The following CADM1 variants were observed in gnomAD, a reference collection of about 807,000 sequenced individuals.
The protein encoded by CADM1 is cell adhesion molecule 1, also known as TSLC-1.
In CADM1, 15 loss-of-function variants were observed where a neutral mutation model predicts 53.1. The ratio of observed to expected loss-of-function variants is 0.28; its 90% CI spans 0.19 to 0.44. The LOEUF is 0.44. Ranked by LOEUF, CADM1 falls within the 20% of genes least tolerant of loss-of-function variation. The probability of loss-of-function intolerance (pLI) is 1.00; values close to 1 mark genes in which losing one functional copy is unlikely to be tolerated. For missense variants in CADM1, 434 were observed against 611.3 expected, an observed-to-expected ratio of 0.71 and a Z score of 3.06; for synonymous variants, 281 against 243.0, an observed-to-expected ratio of 1.16 and a Z score of -1.45.
intron 1 of CADM1, among the ~76,000 whole-genome samples, chr11:115,247,285 C>G (rs1297345836): frequency 6.6e-6 from 1 of 152,278 alleles, no homozygotes; most frequent in East Asian, 1.9e-4. Context: ...CAAGGTTCCA[C>G]TTTTCAGTCT....
At chr11:115,495,039 T>C (rs1410394517) in intron 1 of CADM1, among the ~76,000 whole-genome samples, 3 of 152,176 alleles carry the variant, frequency 2.0e-5, no homozygotes, top group Non-Finnish European at 2.9e-5. Flanking sequence ...GCTCACAAGA[T>C]ATGTACGTAC....
intron 1 of CADM1, among the ~76,000 whole-genome samples, chr11:115,323,274 C>T (rs1944871539): frequency 6.6e-6 from 1 of 152,146 alleles, no homozygotes; most frequent in Non-Finnish European, 1.5e-5. Context: ...TTTTAGTCAA[C>T]TATTCGGTAG....
intron 3 of CADM1, among the ~76,000 whole-genome samples, chr11:115,236,625 T>C (rs996210383): frequency 6.6e-6 from 1 of 152,136 alleles, no homozygotes; most frequent in Non-Finnish European, 1.5e-5. Context: ...GGAGCCAAAC[T>C]GATCCAAAGC....
In CADM1 at chr11:115,327,520, G is replaced by GTT. The variant is rs59245845; in HGVS notation, c.125-87102_125-87101dup. Reference sequence around the variant, plus strand: ...ACACTTTTGATTGGAATACATAAGAGTTTTTTTTTTAACTTAATTAAAATG... The same window carrying GTT: ...ACACTTTTGATTGGAATACATAAGAGTTTTTTTTTTTTAACTTAATTAAAATG... On this transcript the variant is annotated intron_variant, in intron 1 of 11. Transcript: ENST00000331581. Among the ~76,000 whole-genome samples the GTT allele has an allele frequency of 2.3e-3, 350 of 150,310 alleles. 5 individuals are homozygous for GTT. Among genetic ancestry groups the GTT allele is most frequent in the South Asian group, 6.3e-4 (3 of 4,740 alleles).
intron 1 of CADM1, among the ~76,000 whole-genome samples, chr11:115,338,283 A>G (rs1347187535): frequency 6.6e-6 from 1 of 152,186 alleles, no homozygotes; most frequent in African/African-American, 2.4e-5. Context: ...TTTTATAGAC[A>G]AGAAAATTAA....
intron 8 of CADM1, among the ~76,000 whole-genome samples, chr11:115,205,549 G>A (rs981385473): frequency 6.6e-6 from 1 of 152,128 alleles, no homozygotes; most frequent in Non-Finnish European, 1.5e-5. Flanking sequence ...ACTCTTACCC[G>A]GGGTAATGGC....
At chr11:115,481,446 C>T (rs550396357) in intron 1 of CADM1, among the ~76,000 whole-genome samples, 3 of 152,286 alleles carry the variant, frequency 2.0e-5, no homozygotes, top group Non-Finnish European at 2.9e-5. Flanking sequence ...TCTTCTTCTG[C>T]CTACCTTTAA....
intron 1 of CADM1, among the ~76,000 whole-genome samples, chr11:115,473,415 C>T (rs1357341240): frequency 4.6e-5 from 7 of 152,040 alleles, no homozygotes; most frequent in South Asian, 2.1e-4. Context: ...GCCATTATGC[C>T]GCCACTGCAC....
Position 115,429,393 on chromosome 11 carries a change from T to G in CADM1, c.124+74878A>C, listed in dbSNP as rs539772938. 2.3e-3 allele frequency among the ~76,000 whole-genome samples: 346 copies of G among 152,116 alleles called. 2 individuals are homozygous for G. The highest frequency in any genetic ancestry group is 5.2e-3 in the South Asian group (25 of 4,824). On this transcript the variant is annotated intron_variant, in intron 1 of 11. Coordinates refer to ENST00000331581, the MANE Select transcript of CADM1 (RefSeq NM_001301043.2). ...CAGGCTGAGGCGGGTGGGGATCCCCTGAGCTCGAGACGAGTCTGAACAACA... is the reference window on the plus strand; with the variant it reads ...CAGGCTGAGGCGGGTGGGGATCCCCGGAGCTCGAGACGAGTCTGAACAACA...
chr11:115,223,168 C>A (rs746624404), intron 5 of CADM1, among the ~76,000 whole-genome samples: 4 of 152,144 alleles, frequency 2.6e-5, no homozygotes, highest in Non-Finnish European at 4.4e-5. Context: ...ATCACGAGTT[C>A]CCGTTAGTCC....
chr11:115,302,952 G>GA (rs779601729), intron 1 of CADM1, among the ~76,000 whole-genome samples: 7 of 151,970 alleles, frequency 4.6e-5, no homozygotes, highest in Non-Finnish European at 7.4e-5. Flanking sequence ...GATGCCAGAA[G>GA]AAAAAAGGAA....
intron 1 of CADM1, among the ~76,000 whole-genome samples, chr11:115,330,458 T>C (rs961963406): frequency 3.3e-5 from 5 of 152,192 alleles, no homozygotes; most frequent in Admixed American, 1.3e-4. Flanking sequence ...ATTTCATTTC[T>C]TTTTTACATC....
intron 1 of CADM1, among the ~76,000 whole-genome samples, chr11:115,437,743 G>A (rs959522685): frequency 7.2e-5 from 11 of 152,068 alleles, no homozygotes; most frequent in African/African-American, 2.2e-4. Context: ...GCTTTTCTTC[G>A]TGACCATTTT....
chr11:115,200,723 G>C (rs754991031), intron 8 of CADM1, among the ~76,000 whole-genome samples: 1 of 152,200 alleles, frequency 6.6e-6, no homozygotes, highest in African/African-American at 2.4e-5. Flanking sequence ...TCAAACTCCA[G>C]ACCTCAGGTG....
At chr11:115,429,343 C>T (rs1310828729) in intron 1 of CADM1, among the ~76,000 whole-genome samples, 1 of 152,132 alleles carries the variant, frequency 6.6e-6, no homozygotes, top group African/African-American at 2.4e-5. Flanking sequence ...CGCGGTGGCT[C>T]ATGCCTGTAA....
intron 1 of CADM1, among the ~76,000 whole-genome samples, chr11:115,349,277 T>C (rs1017694499): frequency 6.6e-6 from 1 of 152,194 alleles, no homozygotes; most frequent in Non-Finnish European, 1.5e-5. Flanking sequence ...AATATAAACC[T>C]ATTAGTTTTG....
At chr11:115,242,722 T>C (rs539985440) in intron 1 of CADM1, among the ~76,000 whole-genome samples, 1 of 152,306 alleles carries the variant, frequency 6.6e-6, no homozygotes, top group South Asian at 2.1e-4. Flanking sequence ...ATTAGCAACA[T>C]AAATAATCTT....
chr11:115,410,187 C>G (rs1404457710), intron 1 of CADM1, among the ~76,000 whole-genome samples: 1 of 152,198 alleles, frequency 6.6e-6, no homozygotes, highest in Non-Finnish European at 1.5e-5. Flanking sequence ...AACCTCTCTG[C>G]CCATTAACGA....
intron 1 of CADM1, among the ~76,000 whole-genome samples, chr11:115,346,818 C>A (rs565852128): frequency 9.2e-5 from 14 of 152,196 alleles, no homozygotes; most frequent in Non-Finnish European, 1.6e-4. Context: ...TTCAATTGTT[C>A]CAGTTTAGAA....
Sources: gnomAD v4.1 joint callset for allele counts (sites outside exome capture counted in the v4.1 genomes callset) on GRCh38, gnomAD v4.1.1 for gene constraint, MANE v1.5 for transcripts, NCBI Gene and HGNC (gene_info 2026-07-23, HGNC 2026-07-21) for gene names.